Variants in DYNC2H1 observed in about 807,000 individuals in gnomAD.
The protein encoded by DYNC2H1 is dynein cytoplasmic 2 heavy chain 1.
Under a neutral mutation model 570.0 loss-of-function variants are expected in DYNC2H1, and 410 were observed. The observed-to-expected ratio is 0.72, with a 90% CI of 0.66 to 0.78. The LOEUF (loss-of-function observed/expected upper bound fraction) is 0.78, where lower values mean the gene tolerates loss of function less well. Ranked by LOEUF, DYNC2H1 falls within the 30% of genes least tolerant of loss-of-function variation. The probability of loss-of-function intolerance (pLI) is 0.00; values close to 1 mark genes in which losing one functional copy is unlikely to be tolerated. For missense variants in DYNC2H1, 4,865 were observed against 5,046.4 expected, an observed-to-expected ratio of 0.96 and a Z score of 1.09; for synonymous variants, 1,688 against 1,677.6, an observed-to-expected ratio of 1.01 and a Z score of -0.15.
intron 82 of DYNC2H1, among the ~76,000 whole-genome samples, chr11:103,350,170 T>G (rs1412815717): frequency 1.3e-5 from 2 of 152,120 alleles, no homozygotes; most frequent in Non-Finnish European, 2.9e-5. Context: ...TAAGGGGTGA[T>G]GAGAATATTG....
intron 88 of DYNC2H1, among the ~76,000 whole-genome samples, chr11:103,477,797 C>T (rs1945604126): frequency 7.7e-6 from 1 of 129,574 alleles, no homozygotes; most frequent in Non-Finnish European, 1.6e-5. Context: ...CGCCACTGCA[C>T]TCCAGCCGGG....
chr11:103,282,738 A>G (rs1279076467), intron 72 of DYNC2H1, among the ~76,000 whole-genome samples: 4 of 152,072 alleles, frequency 2.6e-5, no homozygotes, highest in Admixed American at 1.3e-4. Context: ...TGTAATTTTT[A>G]TGACAGTTCC....
intron 87 of DYNC2H1, among the ~76,000 whole-genome samples, 154 bp downstream of exon 87, chr11:103,456,510 G>C (rs1438209843): frequency 6.6e-6 from 1 of 152,110 alleles, no homozygotes; most frequent in African/African-American, 2.4e-5. Flanking sequence ...ATAAGATTTG[G>C]CATGAAACAA....
intron 87 of DYNC2H1, among the ~76,000 whole-genome samples, chr11:103,462,741 T>C (rs775568586): frequency 5.2e-4 from 79 of 152,350 alleles, no homozygotes; most frequent in Middle Eastern, 3.4e-3. Context: ...TAAGTATCAT[T>C]GTGAGCTTCT....
chr11:103,191,516 G>T lies in DYNC2H1; in HGVS notation c.7438-1G>T, dbSNP rs2135050204. The T allele has an allele frequency of 1.3e-6, 2 of 1,596,834 alleles. No homozygotes were observed. The highest frequency in any genetic ancestry group is 2.3e-5 in the East Asian group (1 of 44,416). On this transcript the variant is annotated splice_acceptor_variant, in intron 45 of 88. Transcript: ENST00000375735. LOFTEE classifies it high-confidence loss of function. ...ATTGTTTACTGTATTTTCTTTTTCA[G>T]GTGCGAGCCAAATTTACAGTTGATG...
At chr11:103,444,123 A>G in intron 85 of DYNC2H1, among the ~76,000 whole-genome samples, 1 of 149,878 alleles carries the variant, frequency 6.7e-6, no homozygotes, top group Non-Finnish European at 1.5e-5. Context: ...CTTGACTAAA[A>G]TGTTTCCAGC....
rs763470063 is a variant in DYNC2H1 at position 103,135,795 on chromosome 11, C to T, written c.2421C>T (p.Ile807=). 1.9e-5 allele frequency: 31 copies of T among 1,612,738 alleles called. 1 individual carries two copies. The highest frequency in any genetic ancestry group is 3.3e-4 in the Middle Eastern group (2 of 6,076). The change falls in exon 17 of 89, where the codon ATC becomes ATT. Residue 807 remains isoleucine, a synonymous_variant. Transcript: ENST00000375735. The part of the protein sequence containing the change: ...AKYYREMKRF[I]GIPNQFKGVG... ...ATTATAGAGAAATGAAGAGATTCAT[C>T]GGCATTCCAAATCAGTTTAAGGGAG...
chr11:103,260,572 T>C (rs1399326457), intron 70 of DYNC2H1, among the ~76,000 whole-genome samples: 1 of 152,102 alleles, frequency 6.6e-6, no homozygotes, highest in Non-Finnish European at 1.5e-5. Context: ...GACAATATTT[T>C]AGAAATTTTA....
chr11:103,355,496 G>A (rs1174171105), intron 82 of DYNC2H1, among the ~76,000 whole-genome samples: 1 of 152,134 alleles, frequency 6.6e-6, no homozygotes, highest in Non-Finnish European at 1.5e-5. Flanking sequence ...TTCCTATAGA[G>A]TTGGTATTGT....
intron 60 of DYNC2H1, among the ~76,000 whole-genome samples, chr11:103,232,200 A>C (rs543945959): frequency 6.6e-6 from 1 of 151,952 alleles, no homozygotes; most frequent in Non-Finnish European, 1.5e-5. Flanking sequence ...GACTTCATTT[A>C]TTAGTCACTT....
At chr11:103,126,739 C>A (rs888850919) in intron 12 of DYNC2H1, among the ~76,000 whole-genome samples, 2 of 151,818 alleles carry the variant, frequency 1.3e-5, no homozygotes, top group Admixed American at 6.6e-5. Flanking sequence ...CGGGTTCATG[C>A]CATTCTCCTG....
chr11:103,455,410 A>G (rs1944753042), intron 86 of DYNC2H1, 115 bp downstream of exon 86: 1 of 801,796 alleles, frequency 1.2e-6, no homozygotes, highest in Non-Finnish European at 2.0e-6. Context: ...ATTGAAACAC[A>G]GTTATGTTAT....
At chr11:103,462,779 ATTTATT>A (rs1191062974) in intron 87 of DYNC2H1, among the ~76,000 whole-genome samples, 1 of 152,070 alleles carries the variant, frequency 6.6e-6, no homozygotes, top group East Asian at 1.9e-4. Context: ...AGTAAATTGC[ATTTATT>A]TTATTTTTCA....
At chr11:103,453,821 TTGA>T (rs1944695000) in intron 85 of DYNC2H1, among the ~76,000 whole-genome samples, 1 of 151,652 alleles carries the variant, frequency 6.6e-6, no homozygotes, top group South Asian at 2.1e-4. Context: ...GTATAATTTG[TTGA>T]TTATGTTTAG....
intron 83 of DYNC2H1, among the ~76,000 whole-genome samples, chr11:103,371,306 G>C (rs903201427): frequency 1.1e-4 from 17 of 152,116 alleles, no homozygotes; most frequent in Non-Finnish European, 1.9e-4. Flanking sequence ...ACAGGTTCTA[G>C]AAAGTAGACT....
intron 83 of DYNC2H1, among the ~76,000 whole-genome samples, chr11:103,360,807 A>C (rs1333037633): frequency 1.3e-5 from 2 of 152,192 alleles, no homozygotes; most frequent in African/African-American, 4.8e-5. Flanking sequence ...CAAGTAAATA[A>C]ATAAAATATA....
At chr11:103,405,080 G>C (rs988843998) in intron 84 of DYNC2H1, 2 of 151,478 alleles carry the variant, frequency 1.3e-5, no homozygotes, top group South Asian at 4.2e-4. Context: ...AATATGTTGC[G>C]ATATGGGAGA....
chr11:103,171,235 C>A (rs1251400103), intron 34 of DYNC2H1, among the ~76,000 whole-genome samples, 167 bp downstream of exon 34: 1 of 151,874 alleles, frequency 6.6e-6, no homozygotes, highest in Non-Finnish European at 1.5e-5. Context: ...GGTTTCTTAC[C>A]CTTTTTTGGT....
rs1445070273 is a variant in DYNC2H1, at chr11:103,134,418, A to C, written c.2204A>C (p.Gln735Pro). 6.2e-7 allele frequency: 1 copy of C among 1,606,556 alleles called. No individual in the cohort carries two copies. The highest frequency in any genetic ancestry group is 8.5e-7 in the Non-Finnish European group (1 of 1,175,596). ...LRTGLATVEA[Q>P]GFQASDMHAW... ...ACTGGCTTAGCAACTGTAGAAGCAC[A>C]GGTAGAGTATGTTTTATTTTGTGTG... Residue 735 changes from glutamine to proline, a missense_variant and splice_region_variant, in exon 15 of 89, where the codon CAG becomes CCG. By Grantham distance (76) the Gln-to-Pro change is moderately conservative. Around this residue, in one of 5 missense-constraint regions of DYNC2H1, gnomAD observed 1,936 missense variants for 1,962.1 expected, o/e 0.99. Transcript: ENST00000375735.
Sources: gnomAD v4.1 joint callset for allele counts (sites outside exome capture counted in the v4.1 genomes callset) on GRCh38, gnomAD v4.1.1 for gene constraint, gnomAD v4.1.1 regional missense constraint, MANE v1.5 for transcripts, NCBI Gene and HGNC (gene_info 2026-07-23, HGNC 2026-07-21) for gene names.